Variants in SAMD4B observed in about 807,000 individuals in gnomAD.
SAMD4B encodes protein Smaug homolog 2.
Under a neutral mutation model 74.5 loss-of-function variants are expected in SAMD4B, and 5 were observed. The observed-to-expected ratio is 0.07, with a 90% CI of 0.04 to 0.14. The LOEUF is 0.14. SAMD4B is among the 10% of genes least tolerant of loss of function. The pLI is 1.00. For synonymous variants in SAMD4B, 373 were observed against 374.9 expected, an observed-to-expected ratio of 1.00 and a Z score of 0.06; for missense variants, 608 against 921.8, an observed-to-expected ratio of 0.66 and a Z score of 4.41.
At chr19:39,390,607 G>A (rs765431429), downstream of SAMD4B, among the ~76,000 whole-genome samples, 1 of 152,132 alleles carries the variant, frequency 6.6e-6, no homozygotes, top group African/African-American at 2.4e-5. Context: ...TGACTGGAGG[G>A]ATCCCTTCTG....
downstream of SAMD4B, chr19:39,390,312 T>C (rs778356137): frequency 2.2e-5 from 36 of 1,603,114 alleles, no homozygotes; most frequent in South Asian, 2.9e-4. Context: ...AAAGAAACAG[T>C]GATAGGTGGA....
downstream of SAMD4B, among the ~76,000 whole-genome samples, chr19:39,388,140 CA>C (rs936220186): frequency 2.0e-5 from 3 of 151,140 alleles, no homozygotes; most frequent in African/African-American, 7.3e-5. Context: ...GACTCCATCT[CA>C]AAAAAAAAGA....
In SAMD4B at chr19:39,378,374, A is replaced by T. The variant is rs1201902292; in HGVS notation, c.1445-130A>T. ...TCATGATAACCCAAATACCATGGCT[A>T]GCACTTAATAGTTGATATTCATCCA... On this transcript the variant is annotated intron_variant, in intron 8 of 13. Transcript: ENST00000610417. The surrounding 1 kb of genome is among the most constrained non-coding windows in gnomAD (Gnocchi z 4.4). 1 of 714,556 alleles carries T rather than the reference A, an allele frequency of 1.4e-6. No homozygotes were observed. Among genetic ancestry groups the T allele is most frequent in the Admixed American group, 2.3e-5 (1 of 43,182 alleles). 44.3% of individuals were successfully genotyped at this position (714,556 alleles called of 1,614,324 possible). A position where few individuals can be genotyped will look rare whatever the true frequency, so the allele number is the denominator to read the frequency against.
chr19:39,345,301 A>G (rs555663560), intron 1 of SAMD4B, among the ~76,000 whole-genome samples: 1 of 152,152 alleles, frequency 6.6e-6, no homozygotes, highest in East Asian at 1.9e-4. Context: ...AAGATTTCTT[A>G]CCTACCTTGA....
chr19:39,343,729 T>G (rs2075491085), intron 1 of SAMD4B, among the ~76,000 whole-genome samples: 1 of 151,746 alleles, frequency 6.6e-6, no homozygotes, highest in South Asian at 2.1e-4. Context: ...TTCCAAAAGC[T>G]TCTTCCAAAA....
chr19:39,388,983 T>C, downstream of SAMD4B: 1 of 1,614,150 alleles, frequency 6.2e-7, no homozygotes, highest in Non-Finnish European at 8.5e-7. Flanking sequence ...CCTCCACCGG[T>C]GTGACTCGGG....
intron 4 of SAMD4B, among the ~76,000 whole-genome samples, chr19:39,374,379 G>A (rs573733714): frequency 1.3e-5 from 2 of 152,308 alleles, no homozygotes; most frequent in South Asian, 2.1e-4. Context: ...GGCCTCATGA[G>A]TGGCCAGTTT....
rs755229356 is a variant in SAMD4B at position 39,383,757 on chromosome 19, A to G, written c.*230A>G. 1 of 1,512,994 alleles carries G rather than the reference A, an allele frequency of 6.6e-7. No homozygotes were observed. Among genetic ancestry groups the G allele is most frequent in the South Asian group, 1.2e-5 (1 of 83,500 alleles). The allele number at this position is 1,512,994 out of a possible 1,614,324, so 93.7% of individuals were successfully genotyped here. On this transcript the variant is annotated 3_prime_UTR_variant, in exon 14 of 14. Coordinates refer to ENST00000610417, the MANE Select transcript of SAMD4B (RefSeq NM_001384574.2). The surrounding 1 kb of genome is among the most constrained non-coding windows in gnomAD (Gnocchi z 4.1). The stretch of plus-strand genomic sequence containing the variant: ...GCCCGGGGAGTTGGGGGCAGCCAGG[A>G]TAAAGGGGGCAGGGACTGGCCAGAC...
downstream of SAMD4B, chr19:39,390,047 T>G: frequency 1.3e-6 from 2 of 1,589,726 alleles, no homozygotes; most frequent in South Asian, 1.1e-5. Context: ...ACCTGAGTAG[T>G]TTTCCCATTC....
chr19:39,359,596 GTATT>G (rs1191362682), intron 3 of SAMD4B, among the ~76,000 whole-genome samples: 1 of 152,108 alleles, frequency 6.6e-6, no homozygotes, highest in African/African-American at 2.4e-5. Context: ...TTCTCGTTAA[GTATT>G]TATTTACACC....
At chr19:39,387,216 C>A, downstream of SAMD4B, 1 of 433,268 alleles carries the variant, frequency 2.3e-6, no homozygotes, top group Non-Finnish European at 4.6e-6. Context: ...CAGCATGTGA[C>A]TGTACTGAAT....
intron 3 of SAMD4B, among the ~76,000 whole-genome samples, chr19:39,366,835 A>G (rs1465933094): frequency 6.6e-6 from 1 of 152,114 alleles, no homozygotes; most frequent in African/African-American, 2.4e-5. Flanking sequence ...CTTGGGTTGA[A>G]AGACCCTCAG....
downstream of SAMD4B, chr19:39,388,804 C>T (rs767599141): frequency 1.9e-6 from 3 of 1,614,196 alleles, no homozygotes; most frequent in Non-Finnish European, 2.5e-6. Flanking sequence ...AGCTGCACCA[C>T]TCGTGTCCTT....
intron 1 of SAMD4B, chr19:39,352,578 C>T (rs1370733081): frequency 6.6e-6 from 1 of 151,668 alleles, no homozygotes; most frequent in Non-Finnish European, 1.5e-5. Flanking sequence ...ATAGTGACTT[C>T]TCCCTTTTGA....
chr19:39,376,532 C>T lies in SAMD4B; in HGVS notation c.1003C>T (p.His335Tyr). Residue 335 changes from histidine to tyrosine, a missense_variant, in exon 6 of 14, where the codon CAC (histidine) becomes TAC (tyrosine). By Grantham distance (83) the His-to-Tyr change is moderately conservative. Transcript: ENST00000610417. ...YEEMMTLTEQHLESQNVTKGA... is the reference protein window; with the variant it reads ...YEEMMTLTEQYLESQNVTKGA... ...GGAGATGATGACACTGACTGAGCAGCACCTGGAGTCTCAGGTGAAGCCAAG... is the reference window on the plus strand; with the variant it reads ...GGAGATGATGACACTGACTGAGCAGTACCTGGAGTCTCAGGTGAAGCCAAG... 6.2e-7 allele frequency: 1 copy of T among 1,613,278 alleles called. No individual in the cohort carries two copies. The highest frequency in any genetic ancestry group is 1.3e-5 in the African/African-American group (1 of 75,042).
chr19:39,364,457 A>G (rs936657338), intron 3 of SAMD4B, among the ~76,000 whole-genome samples: 9 of 152,190 alleles, frequency 5.9e-5, no homozygotes, highest in African/African-American at 2.2e-4. Context: ...ATCTCCCTAC[A>G]TCTTCTCAGC....
downstream of SAMD4B, chr19:39,389,238 C>T: frequency 1.9e-6 from 3 of 1,606,382 alleles, no homozygotes; most frequent in Non-Finnish European, 1.7e-6. This position sits in a 1 kb window ranked among gnomAD's most constrained non-coding sequence, Gnocchi z 5.3. Flanking sequence ...CCACTGGACA[C>T]ACCTAATATC....
rs372912419 is a variant in SAMD4B, at chr19:39,369,527, AGTTATGAAAAGAAAATC to A, written c.197-114_197-98del. On this transcript the variant is annotated intron_variant, in intron 3 of 13. Transcript: ENST00000610417. Reference sequence around the variant, plus strand: ...CACCTATATGAGGGATAAGTTTGGGAGTTATGAAAAGAAAATCGTTATGAAAAGAAGATTGGAGCTGA... The same window carrying A: ...CACCTATATGAGGGATAAGTTTGGGAGTTATGAAAAGAAGATTGGAGCTGA... 3.1e-3 allele frequency: 2,214 copies of A among 714,896 alleles called. 35 individuals are homozygous for A. The African/African-American group carries it at 0.036, about 12-fold the overall frequency. 44.3% of individuals were successfully genotyped at this position (714,896 alleles called of 1,614,324 possible).
chr19:39,349,478 C>G (rs1188540866), intron 1 of SAMD4B, among the ~76,000 whole-genome samples: 2 of 152,174 alleles, frequency 1.3e-5, no homozygotes, highest in Non-Finnish European at 2.9e-5. Context: ...TCCTCTCCCT[C>G]CCTTCCCCAG....
Sources: allele counts gnomAD v4.1 joint callset (sites outside exome capture counted in the v4.1 genomes callset), GRCh38; gene constraint gnomAD v4.1.1; non-coding constraint Gnocchi (gnomAD v3.1); transcripts MANE v1.5; gene names NCBI Gene and HGNC (gene_info 2026-07-23, HGNC 2026-07-21).